Variants in SEL1L observed in about 807,000 individuals in gnomAD.
The protein encoded by SEL1L is protein sel-1 homolog 1.
SEL1L carries 52 observed loss-of-function variants against 109.8 expected under a neutral mutation model. The ratio of observed to expected loss-of-function variants is 0.47; its 90% CI spans 0.38 to 0.60. SEL1L has a LOEUF of 0.60. Ranked by LOEUF, SEL1L falls within the 20% of genes least tolerant of loss-of-function variation. The pLI is 0.00. For missense variants in SEL1L, 749 were observed against 962.2 expected (o/e 0.78, Z 2.93); for synonymous variants, 373 against 339.6 (o/e 1.10, Z -1.08).
chr14:81,502,703 C>A lies in SEL1L; in HGVS notation c.777+18G>T. 3 of 1,610,166 alleles carry A rather than the reference C, an allele frequency of 1.9e-6. No individual in the cohort carries two copies. The highest frequency in any genetic ancestry group is 2.5e-6 in the Non-Finnish European group (3 of 1,177,814). On this transcript the variant is annotated intron_variant, in intron 6 of 20. Transcript: ENST00000336735. ...AAGTGTTACATGCAGAGAGATTCTT[C>A]ACTGAGAATGTACTTACAGTCTGTC...
chr14:81,496,285 C>T (rs974804404), intron 10 of SEL1L, among the ~76,000 whole-genome samples: 5 of 152,092 alleles, frequency 3.3e-5, no homozygotes. Context: ...GATTGCACCA[C>T]TGCACTCCAG....
At chr14:81,497,054 C>T (rs778364717) in intron 10 of SEL1L, among the ~76,000 whole-genome samples, 3 of 152,068 alleles carry the variant, frequency 2.0e-5, no homozygotes, top group Non-Finnish European at 4.4e-5. Flanking sequence ...AGAGTAAACA[C>T]AACAAGCAAG....
chr14:81,499,521 G>A lies in SEL1L; in HGVS notation c.832-3C>T. 6.2e-7 allele frequency: 1 copy of A among 1,611,274 alleles called. No homozygotes were observed. Among genetic ancestry groups the A allele is most frequent in the African/African-American group, 1.3e-5 (1 of 74,856 alleles). On this transcript the variant is annotated splice_region_variant and splice_polypyrimidine_tract_variant and intron_variant, in intron 7 of 20. Transcript: ENST00000336735. ...CCAAATGTATAATATACAAGAGCCT[G>A]TGAAAGAACAAAACATGTTTAACTG...
At chr14:81,488,075 T>A (rs1883385149) in intron 14 of SEL1L, 133 bp from the exon 15 acceptor site, 1 of 611,006 alleles carries the variant, frequency 1.6e-6, no homozygotes, top group Non-Finnish European at 2.8e-6. Flanking sequence ...GACCACTTTC[T>A]AATTCTTATA....
chr14:81,495,327 G>A (rs78845094), intron 10 of SEL1L, among the ~76,000 whole-genome samples, 190 bp from the exon 11 acceptor site: 4,094 of 152,198 alleles, frequency 0.027, 181 homozygotes, highest in African/African-American at 0.094. Flanking sequence ...AAGTAAAAAC[G>A]TGTACTTGTA....
chr14:81,514,213 A>AT (rs1237258292), intron 3 of SEL1L, among the ~76,000 whole-genome samples: 3 of 152,194 alleles, frequency 2.0e-5, no homozygotes, highest in African/African-American at 7.2e-5. Flanking sequence ...TAATTTTAGG[A>AT]TCCCTCCTCA....
Position 81,504,084 on chromosome 14 carries a change from T to A in SEL1L, c.614+117A>T, listed in dbSNP as rs1212671362. On this transcript the variant is annotated intron_variant, in intron 5 of 20. Coordinates refer to ENST00000336735, the MANE Select transcript of SEL1L (RefSeq NM_005065.6). ...TAAGTTATATTACATTTTTTTGTAA[T>A]GGAACTTAAAAAAATCTTCTGCGTC... 1.1e-5 allele frequency: 6 copies of A among 540,302 alleles called. No individual in the cohort carries two copies. The Admixed American group carries it at 2.3e-4, about 21-fold the overall frequency. The allele number at this position is 540,302 out of a possible 1,614,324, so 33.5% of individuals were successfully genotyped here.
intron 3 of SEL1L, among the ~76,000 whole-genome samples, chr14:81,523,324 A>G (rs532588515): frequency 6.6e-6 from 1 of 152,286 alleles, no homozygotes; most frequent in African/African-American, 2.4e-5. Flanking sequence ...CAAAGCTTCC[A>G]TAAAAACCCA....
intron 3 of SEL1L, among the ~76,000 whole-genome samples, chr14:81,519,880 G>A (rs1420338144): frequency 6.6e-6 from 1 of 152,194 alleles, no homozygotes; most frequent in Admixed American, 6.5e-5. Flanking sequence ...TGTTGTGTTT[G>A]GAGAACAGAA....
chr14:81,486,638 A>T (rs1903528027), intron 16 of SEL1L, among the ~76,000 whole-genome samples, 184 bp from the exon 17 acceptor site: 1 of 148,366 alleles, frequency 6.7e-6, no homozygotes, highest in African/African-American at 2.6e-5. Flanking sequence ...TTTAGAAGTC[A>T]ACAGGTTTAT....
chr14:81,487,649 A>G, intron 15 of SEL1L, 111 bp from the exon 16 acceptor site: 8 of 1,517,628 alleles, frequency 5.3e-6, no homozygotes, highest in Non-Finnish European at 7.1e-6. Flanking sequence ...CTTACTGAGT[A>G]AATATGTGAA....
chr14:81,533,841 G>A lies in SEL1L; in HGVS notation c.-97C>T, dbSNP rs1191750645. The stretch of plus-strand genomic sequence containing the variant: ...CCGCCGCCTCGCCGCTGCTCTTCCT[G>A]CTCTAGTCTCCTTCCTCCGCCCCTT... On this transcript the variant is annotated 5_prime_UTR_variant, in exon 1 of 21. Transcript: ENST00000336735. 8.0e-7 allele frequency: 1 copy of A among 1,252,638 alleles called. No homozygotes were observed. Among genetic ancestry groups the A allele is most frequent in the Admixed American group, 2.0e-5 (1 of 50,610 alleles). 77.6% of individuals were successfully genotyped at this position (1,252,638 alleles called of 1,614,324 possible).
chr14:81,523,306 C>T (rs1322391679), intron 3 of SEL1L, among the ~76,000 whole-genome samples: 1 of 152,112 alleles, frequency 6.6e-6, no homozygotes, highest in Non-Finnish European at 1.5e-5. Flanking sequence ...TCAATTATGC[C>T]TGCATAACAA....
At chr14:81,511,731 G>C (rs1451442491) in intron 3 of SEL1L, among the ~76,000 whole-genome samples, 1 of 152,192 alleles carries the variant, frequency 6.6e-6, no homozygotes, top group African/African-American at 2.4e-5. Flanking sequence ...ATGCCATTCT[G>C]TTGCTCAACA....
chr14:81,508,705 G>A (rs190295428), intron 3 of SEL1L, among the ~76,000 whole-genome samples: 75 of 152,292 alleles, frequency 4.9e-4, no homozygotes, highest in African/African-American at 1.5e-3. Context: ...CCGAGAAAGC[G>A]TCTGTAGAAC....
At chr14:81,487,353 C>A in intron 16 of SEL1L, 37 bp downstream of exon 16, 1 of 1,525,760 alleles carries the variant, frequency 6.6e-7, no homozygotes, top group South Asian at 1.3e-5. Flanking sequence ...CTGGGCAAAT[C>A]AACTCCCTAC....
At chr14:81,501,621 C>T (rs1884012078) in intron 6 of SEL1L, among the ~76,000 whole-genome samples, 1 of 152,142 alleles carries the variant, frequency 6.6e-6, no homozygotes, top group African/African-American at 2.4e-5. Context: ...TGAAAACAGA[C>T]TTCCCTTGTG....
chr14:81,504,678 G>T (rs1884164198), intron 4 of SEL1L, among the ~76,000 whole-genome samples: 1 of 151,954 alleles, frequency 6.6e-6, no homozygotes, highest in Non-Finnish European at 1.5e-5. Context: ...ACACTGAATT[G>T]TAATCCCTGG....
In SEL1L at chr14:81,490,381, G is replaced by A. The variant is rs1883492253; in HGVS notation, c.1332+7C>T. On this transcript the variant is annotated splice_region_variant and intron_variant, in intron 13 of 20. Coordinates refer to ENST00000336735, the MANE Select transcript of SEL1L (RefSeq NM_005065.6). ...ACACATTTCAGTACACTGAGACAAA[G>A]CCTTACCATGTCAGCAGCTTTCTTA... The A allele has an allele frequency of 6.2e-7, 1 of 1,604,980 alleles. No individual in the cohort carries two copies. The highest frequency in any genetic ancestry group is 8.5e-7 in the Non-Finnish European group (1 of 1,171,926).
Sources: allele counts gnomAD v4.1 joint callset (sites outside exome capture counted in the v4.1 genomes callset), GRCh38; gene constraint gnomAD v4.1.1; transcripts MANE v1.5; gene names NCBI Gene and HGNC (gene_info 2026-07-23, HGNC 2026-07-21).